Variants in ST8SIA1 observed in about 807,000 individuals in gnomAD.
ST8SIA1 encodes ST8 alpha-N-acetyl-neuraminide alpha-2,8-sialyltransferase 1.
Under a neutral mutation model 35.9 loss-of-function variants are expected in ST8SIA1, and 16 were observed. The ratio of observed to expected loss-of-function variants is 0.45; its 90% CI spans 0.30 to 0.68. The LOEUF (loss-of-function observed/expected upper bound fraction) is 0.68, where lower values mean the gene tolerates loss of function less well. ST8SIA1 is among the 30% of genes least tolerant of loss of function. ST8SIA1 has a pLI of 0.09. For synonymous variants in ST8SIA1, 170 were observed against 169.6 expected (o/e 1.00, Z -0.02); for missense variants, 383 against 453.6 (o/e 0.84, Z 1.41).
intron 4 of ST8SIA1, among the ~76,000 whole-genome samples, chr12:22,221,011 A>C (rs1865292821): frequency 6.6e-6 from 1 of 152,222 alleles, no homozygotes; most frequent in South Asian, 2.1e-4. Flanking sequence ...GATTCCCAAA[A>C]TATCACATGC....
At chr12:22,264,353 C>T (rs917673175) in intron 2 of ST8SIA1, among the ~76,000 whole-genome samples, 1 of 152,184 alleles carries the variant, frequency 6.6e-6, no homozygotes, top group African/African-American at 2.4e-5. Flanking sequence ...TATCCCTGTA[C>T]CCCAGTCACT....
At chr12:22,202,889 C>T (rs762540029) in intron 4 of ST8SIA1, among the ~76,000 whole-genome samples, 29 of 152,236 alleles carry the variant, frequency 1.9e-4, no homozygotes, top group Non-Finnish European at 2.6e-4. Context: ...GGCAAGAGTA[C>T]GCAATATACT....
intron 2 of ST8SIA1, 67 bp downstream of exon 2, chr12:22,287,082 T>C: frequency 6.8e-7 from 1 of 1,468,918 alleles, no homozygotes. Context: ...GCAAACTCAA[T>C]TATCCCTTTT....
In ST8SIA1 at chr12:22,221,355, T is replaced by C. The variant is rs940504389; in HGVS notation, c.585-19317A>G. 4.6e-5 allele frequency among the ~76,000 whole-genome samples: 7 copies of C among 151,954 alleles called. 1 individual carries two copies. The highest frequency in any genetic ancestry group is 1.7e-4 in the African/African-American group (7 of 41,366). ...ACCAAAAACAACAGCAAAGATAAAA[T>C]AGGCAATCAAAAACTTGTATGATTA... On this transcript the variant is annotated intron_variant, in intron 4 of 4. Transcript: ENST00000396037.
chr12:22,232,528 T>C (rs1865431626), intron 4 of ST8SIA1, among the ~76,000 whole-genome samples: 1 of 152,154 alleles, frequency 6.6e-6, no homozygotes, highest in African/African-American at 2.4e-5. Flanking sequence ...AGTTTGATAT[T>C]CATATTACAT....
Position 22,334,391 on chromosome 12 carries a change from A to T in ST8SIA1, c.-159T>A, listed in dbSNP as rs1555163870. On this transcript the variant is annotated 5_prime_UTR_variant, in exon 1 of 5. Coordinates refer to ENST00000396037, the MANE Select transcript of ST8SIA1 (RefSeq NM_003034.4). ...GCTTCTTCGGCCCCGTCGGCCCCAA[A>T]GGTCAGCGCAAGGATTTTTTCAAAT... The T allele has an allele frequency of 1.8e-5, 11 of 616,976 alleles. 1 individual carries two copies. In the South Asian group the frequency reaches 2.2e-4, roughly 12 times the overall value. The allele number at this position is 616,976 out of a possible 1,614,324, so 38.2% of individuals were successfully genotyped here.
At chr12:22,228,247 A>G (rs2111177) in intron 4 of ST8SIA1, among the ~76,000 whole-genome samples, 118,426 of 152,190 alleles carry the variant, frequency 0.78, 46,308 homozygotes, top group South Asian at 0.93. Context: ...ATAGAGTGGG[A>G]TTGAGTCACA....
At chr12:22,207,021 T>C (rs1865117059) in intron 4 of ST8SIA1, among the ~76,000 whole-genome samples, 1 of 152,000 alleles carries the variant, frequency 6.6e-6, no homozygotes, top group African/African-American at 2.4e-5. Flanking sequence ...TCCAGAAAAA[T>C]AGCTATACAG....
chr12:22,252,835 G>GAC (rs1865689348), intron 3 of ST8SIA1, among the ~76,000 whole-genome samples: 1 of 152,140 alleles, frequency 6.6e-6, no homozygotes, highest in Non-Finnish European at 1.5e-5. Context: ...ACAAATGGAT[G>GAC]ACACACACAC....
At chr12:22,277,213 C>T (rs1046279794) in intron 2 of ST8SIA1, among the ~76,000 whole-genome samples, 2 of 152,146 alleles carry the variant, frequency 1.3e-5, no homozygotes, top group African/African-American at 4.8e-5. Flanking sequence ...GCTGCTCCAG[C>T]TGACTTAGTC....
intron 1 of ST8SIA1, among the ~76,000 whole-genome samples, chr12:22,326,865 T>C (rs1866688477): frequency 2.0e-5 from 3 of 152,196 alleles, no homozygotes; most frequent in Admixed American, 2.0e-4. Context: ...ACCAGAAATC[T>C]ATCAAATCCA....
intron 4 of ST8SIA1, among the ~76,000 whole-genome samples, chr12:22,208,237 A>G (rs948067827): frequency 6.6e-6 from 1 of 152,136 alleles, no homozygotes; most frequent in Admixed American, 6.6e-5. Context: ...AGTCAACAAC[A>G]TAAAAATACA....
Position 22,259,108 on chromosome 12 carries a change from C to T in ST8SIA1, c.382-3719G>A, listed in dbSNP as rs146184891. Among the ~76,000 whole-genome samples the T allele has an allele frequency of 1.2e-3, 179 of 152,246 alleles. 1 individual carries two copies. The East Asian group carries it at 0.027, about 23-fold the overall frequency. ...ATTTCTTTCCTCCTTCTAGCAGAGT[C>T]TCCCTGGCTTGTTCAAGCCATGAAA... On this transcript the variant is annotated intron_variant, in intron 2 of 4. Transcript: ENST00000396037.
intron 1 of ST8SIA1, among the ~76,000 whole-genome samples, chr12:22,322,988 TTTTA>T (rs1177270839): frequency 1.3e-5 from 2 of 152,252 alleles, no homozygotes; most frequent in African/African-American, 4.8e-5. Flanking sequence ...TAAATCACAG[TTTTA>T]TTTAATTGCT....
intron 2 of ST8SIA1, among the ~76,000 whole-genome samples, chr12:22,262,502 C>T (rs1256826151): frequency 6.6e-6 from 1 of 152,186 alleles, no homozygotes; most frequent in Non-Finnish European, 1.5e-5. Flanking sequence ...TTTACACCTA[C>T]TCATCTTCCA....
At chr12:22,220,839 A>G (rs1203357339) in intron 4 of ST8SIA1, among the ~76,000 whole-genome samples, 1 of 152,122 alleles carries the variant, frequency 6.6e-6, no homozygotes, top group Non-Finnish European at 1.5e-5. Flanking sequence ...CATGGCTGGT[A>G]TGTCTGGTTT....
intron 1 of ST8SIA1, 50 bp downstream of exon 1, chr12:22,333,947 C>G (rs762438059): frequency 1.3e-6 from 2 of 1,546,996 alleles, no homozygotes; most frequent in Non-Finnish European, 1.8e-6. Context: ...GTCCTCTGCA[C>G]TCGGGGAGGA....
chr12:22,235,970 A>C (rs1444340878), intron 4 of ST8SIA1, among the ~76,000 whole-genome samples: 1 of 152,140 alleles, frequency 6.6e-6, no homozygotes, highest in Admixed American at 6.6e-5. Flanking sequence ...GCATGGCTAC[A>C]TTAGAAATCT....
chr12:22,284,283 G>C (rs1218157436), intron 2 of ST8SIA1, among the ~76,000 whole-genome samples: 1 of 152,182 alleles, frequency 6.6e-6, no homozygotes, highest in Admixed American at 6.5e-5. Flanking sequence ...AGTTAGAAAT[G>C]AGTGACTTAG....
Sources: allele counts gnomAD v4.1 joint callset (sites outside exome capture counted in the v4.1 genomes callset), GRCh38; gene constraint gnomAD v4.1.1; transcripts MANE v1.5; gene names NCBI Gene and HGNC (gene_info 2026-07-23, HGNC 2026-07-21).